The following CTNND2 variants were observed in gnomAD, a reference collection of about 807,000 sequenced individuals.
CTNND2 encodes catenin delta-2.
In CTNND2, 22 loss-of-function variants were observed where a neutral mutation model predicts 144.4. That is an observed-to-expected ratio of 0.15 (90% CI 0.11 to 0.22). CTNND2 has a LOEUF of 0.22. Among genes scored for constraint, CTNND2 ranks in the 10% least tolerant of loss-of-function variants. CTNND2 has a pLI of 1.00. For synonymous variants in CTNND2, 751 were observed against 695.6 expected (o/e 1.08, Z -1.25); for missense variants, 1,353 against 1,618.8 (o/e 0.84, Z 2.82).
At position 11,355,820 on chromosome 5, in the gene CTNND2, T is replaced by A. The variant is rs564061542; in HGVS notation, c.1372+8876A>T. 3.1e-4 allele frequency among the ~76,000 whole-genome samples: 47 copies of A among 152,136 alleles called. 2 individuals carry two copies. Among genetic ancestry groups the A allele is most frequent in the Middle Eastern group, 6.8e-3 (2 of 294 alleles). On this transcript the variant is annotated intron_variant, in intron 8 of 21. Transcript: ENST00000304623. ...CACACAAAACAAAGCCTGTTAGAAT[T>A]AATAAATGAATTCAATAATACTGCA... is the stretch of plus-strand genomic sequence containing the variant.
intron 1 of CTNND2, among the ~76,000 whole-genome samples, chr5:11,851,935 C>T (rs4499830): frequency 0.69 from 105,465 of 152,138 alleles, 36,667 homozygotes; most frequent in South Asian, 0.78. Flanking sequence ...ATATAATTTC[C>T]AGTCATTCAG....
At chr5:11,508,785 C>T (rs1032581407) in intron 3 of CTNND2, among the ~76,000 whole-genome samples, 5 of 152,072 alleles carry the variant, frequency 3.3e-5, no homozygotes, top group Non-Finnish European at 7.4e-5. Flanking sequence ...GTGGCAAATG[C>T]CTGTAATCCC....
chr5:11,151,239 C>T (rs776194052), intron 12 of CTNND2, among the ~76,000 whole-genome samples: 1 of 152,182 alleles, frequency 6.6e-6, no homozygotes, highest in East Asian at 1.9e-4. Context: ...GTTTGGTGTG[C>T]TCTTTCTTCT....
At chr5:11,191,193 G>A (rs1385597617) in intron 11 of CTNND2, among the ~76,000 whole-genome samples, 3 of 152,208 alleles carry the variant, frequency 2.0e-5, no homozygotes, top group Non-Finnish European at 4.4e-5. Flanking sequence ...AATGGCAAGA[G>A]CAGCTTCAAT....
intron 15 of CTNND2, among the ~76,000 whole-genome samples, chr5:11,090,499 T>C (rs1311065664): frequency 6.6e-6 from 1 of 152,212 alleles, no homozygotes; most frequent in Non-Finnish European, 1.5e-5. Flanking sequence ...TTCTGCCTCC[T>C]GTCAGATCGG....
In CTNND2 at chr5:11,904,257, G is replaced by C. The variant is rs1479382440; in HGVS notation, c.-404C>G. On this transcript the variant is annotated 5_prime_UTR_variant, in exon 1 of 22. Coordinates refer to ENST00000304623, the MANE Select transcript of CTNND2 (RefSeq NM_001332.4). The surrounding 1 kb of genome is among the most constrained non-coding windows in gnomAD (Gnocchi z 4.2). ...GCCTGGGGCCGCCGCGGCGCCCGGC[G>C]CCGAGCGCTCCCGAGCTGCGCCCCG... Among the ~76,000 whole-genome samples, 1 of 145,582 alleles carries C rather than the reference G, an allele frequency of 6.9e-6. No individual in the cohort carries two copies. The highest frequency in any genetic ancestry group is 1.5e-5 in the Non-Finnish European group (1 of 65,588).
chr5:11,737,776 T>C (rs1787773261), intron 1 of CTNND2, among the ~76,000 whole-genome samples: 1 of 152,092 alleles, frequency 6.6e-6, no homozygotes, highest in African/African-American at 2.4e-5. Context: ...CTTCATGTGC[T>C]TATACGAAGA....
intron 3 of CTNND2, among the ~76,000 whole-genome samples, chr5:11,547,293 A>G (rs1390345438): frequency 6.9e-6 from 1 of 145,256 alleles, no homozygotes; most frequent in Non-Finnish European, 1.5e-5. Context: ...ATAAATAAAT[A>G]AATAAATAAA....
chr5:11,731,932 AAT>A (rs1787410414), intron 2 of CTNND2, among the ~76,000 whole-genome samples: 1 of 152,126 alleles, frequency 6.6e-6, no homozygotes, highest in Non-Finnish European at 1.5e-5. Context: ...TCCCCTATAA[AAT>A]ATCTTTTCAA....
chr5:11,437,489 G>A (rs557367266), intron 3 of CTNND2, among the ~76,000 whole-genome samples: 136 of 152,210 alleles, frequency 8.9e-4, no homozygotes, highest in Non-Finnish European at 1.6e-3. Context: ...ACGATTTTGT[G>A]TAAGGGAGGA....
intron 11 of CTNND2, among the ~76,000 whole-genome samples, chr5:11,175,439 CTT>C (rs1472636370): frequency 2.0e-5 from 3 of 152,180 alleles, no homozygotes; most frequent in Admixed American, 1.3e-4. Context: ...TCACATGTCA[CTT>C]TACAGAAATA....
At chr5:11,192,324 A>C (rs1034511718) in intron 11 of CTNND2, among the ~76,000 whole-genome samples, 1 of 152,156 alleles carries the variant, frequency 6.6e-6, no homozygotes, top group African/African-American at 2.4e-5. Flanking sequence ...ACTAAATCCA[A>C]GGGGTCTCCA....
In CTNND2 at chr5:11,559,944, G is replaced by A. The variant is rs111754928; in HGVS notation, c.287+5000C>T. On this transcript the variant is annotated intron_variant, in intron 3 of 21. Coordinates refer to ENST00000304623, the MANE Select transcript of CTNND2 (RefSeq NM_001332.4). The stretch of plus-strand genomic sequence containing the variant: ...CATCTGCAGGGATGGTCACCCTCAC[G>A]CTGTGTCTGATTCCCCTGCCCCTTG... Among the ~76,000 whole-genome samples, 1,258 of 152,262 alleles carry A rather than the reference G, an allele frequency of 8.3e-3. 12 individuals carry two copies. Among genetic ancestry groups the A allele is most frequent in the Non-Finnish European group, 0.012 (847 of 68,028 alleles).
At chr5:11,049,354 T>A (rs1745596746) in intron 16 of CTNND2, among the ~76,000 whole-genome samples, 1 of 152,198 alleles carries the variant, frequency 6.6e-6, no homozygotes, top group African/African-American at 2.4e-5. Flanking sequence ...GCTTGTCAAA[T>A]TTCCTCTCAC....
intron 3 of CTNND2, among the ~76,000 whole-genome samples, chr5:11,497,511 CGGG>C (rs940620634): frequency 1.6e-4 from 1 of 6,246 alleles, no homozygotes; most frequent in Non-Finnish European, 3.3e-4. Context: ...GAATGATGTG[CGGG>C]GGGGTGGGGG....
rs538158255 is a variant in CTNND2, at chr5:11,515,032, G to A, written c.287+49912C>T. 2.1e-4 allele frequency among the ~76,000 whole-genome samples: 31 copies of A among 150,322 alleles called. No homozygotes were observed. The East Asian group carries it at 5.7e-3, about 27-fold the overall frequency. On this transcript the variant is annotated intron_variant, in intron 3 of 21. Transcript: ENST00000304623. ...TGTTCTAACGTTTGTGTCACATAATGAGAACTTGAAATGGAATCAATCAAA... is the reference window on the plus strand; with the variant it reads ...TGTTCTAACGTTTGTGTCACATAATAAGAACTTGAAATGGAATCAATCAAA...
At chr5:11,678,414 A>C (rs1314412484) in intron 2 of CTNND2, among the ~76,000 whole-genome samples, 1 of 152,128 alleles carries the variant, frequency 6.6e-6, no homozygotes, top group Non-Finnish European at 1.5e-5. Flanking sequence ...CAAGAGTTAA[A>C]ATAAAACTCC....
intron 2 of CTNND2, among the ~76,000 whole-genome samples, chr5:11,665,798 A>G (rs936457826): frequency 1.3e-5 from 2 of 152,166 alleles, no homozygotes; most frequent in Non-Finnish European, 2.9e-5. Flanking sequence ...CCTGTCTCAC[A>G]TTGTTTAAAC....
At chr5:11,305,414 A>G (rs1457836284) in intron 9 of CTNND2, among the ~76,000 whole-genome samples, 1 of 152,152 alleles carries the variant, frequency 6.6e-6, no homozygotes, top group Non-Finnish European at 1.5e-5. Flanking sequence ...CTTTCAGGCC[A>G]ATACTGGATT....
Sources: gnomAD v4.1 joint callset for allele counts (sites outside exome capture counted in the v4.1 genomes callset) on GRCh38, gnomAD v4.1.1 for gene constraint, Gnocchi (gnomAD v3.1) non-coding constraint, MANE v1.5 for transcripts, NCBI Gene and HGNC (gene_info 2026-07-23, HGNC 2026-07-21) for gene names.